YEATS4: variants seen among roughly 807,000 people sequenced by gnomAD.
The protein encoded by YEATS4 is YEATS domain-containing protein 4.
In YEATS4, 17 loss-of-function variants were observed where a neutral mutation model predicts 30.1. The observed-to-expected ratio is 0.56, with a 90% confidence interval of 0.39 to 0.85. The LOEUF (loss-of-function observed/expected upper bound fraction) is 0.85. YEATS4 is among the 40% of genes least tolerant of loss of function. YEATS4 has a pLI of 0.00. For synonymous variants in YEATS4, 85 were observed against 87.5 expected (o/e 0.97, Z 0.16); for missense variants, 142 against 268.3 (o/e 0.53, Z 3.29).
At chr12:69,382,397 C>T (rs1195464705) in intron 6 of YEATS4, among the ~76,000 whole-genome samples, 1 of 152,160 alleles carries the variant, frequency 6.6e-6, no homozygotes, top group Non-Finnish European at 1.5e-5. Context: ...GCTGAGCTGG[C>T]ACCCAAGCTA....
chr12:69,363,183 C>T (rs985495346), intron 2 of YEATS4, among the ~76,000 whole-genome samples: 4 of 151,516 alleles, frequency 2.6e-5, no homozygotes, highest in Non-Finnish European at 2.9e-5. Context: ...TTGGTAGAGA[C>T]GGGGTTTCAC....
rs1875107098 is a variant in YEATS4 at position 69,359,829 on chromosome 12, C to T, written c.-144C>T. 5.3e-6 allele frequency: 5 copies of T among 940,638 alleles called. No individual in the cohort carries two copies. The highest frequency in any genetic ancestry group is 5.1e-5 in the African/African-American group (3 of 59,010). The allele number at this position is 940,638 out of a possible 1,614,324, so 58.3% of individuals were successfully genotyped here. On this transcript the variant is annotated 5_prime_UTR_variant, in exon 1 of 7. Coordinates refer to ENST00000247843, the MANE Select transcript of YEATS4 (RefSeq NM_006530.4). Reference sequence around the variant, plus strand: ...TGAGGAGTTGACGGTTACTCACCGCCGTGAGCCCAAGTAACTCGCCCTCCT... The same window carrying T: ...TGAGGAGTTGACGGTTACTCACCGCTGTGAGCCCAAGTAACTCGCCCTCCT...
chr12:69,423,542 G>A, the YEATS4 span, among the ~76,000 whole-genome samples: 2 of 152,202 alleles, frequency 1.3e-5, no homozygotes, highest in African/African-American at 4.8e-5. Flanking sequence ...CAAGCATGGG[G>A]CATTCCGGGA....
At chr12:69,397,076 C>A in the YEATS4 span, among the ~76,000 whole-genome samples, 1 of 152,090 alleles carries the variant, frequency 6.6e-6, no homozygotes, top group Admixed American at 6.6e-5. Context: ...TGGCCATCTG[C>A]TAAAATCCTT....
At chr12:69,376,229 G>A (rs906318778) in intron 6 of YEATS4, among the ~76,000 whole-genome samples, 6 of 152,182 alleles carry the variant, frequency 3.9e-5, no homozygotes, top group African/African-American at 7.2e-5. Flanking sequence ...AACCGAGCAT[G>A]GTGGCATGTG....
At chr12:69,381,643 A>G (rs1489070707) in intron 6 of YEATS4, among the ~76,000 whole-genome samples, 1 of 152,246 alleles carries the variant, frequency 6.6e-6, no homozygotes, top group East Asian at 1.9e-4. Context: ...ATTGTAGTAA[A>G]GACAGGCGTA....
chr12:69,364,002 A>C (rs1412102071), intron 2 of YEATS4, among the ~76,000 whole-genome samples: 1 of 152,252 alleles, frequency 6.6e-6, no homozygotes, highest in Non-Finnish European at 1.5e-5. Flanking sequence ...TGAAATGTCC[A>C]GAAGGGGCAA....
intron 4 of YEATS4, among the ~76,000 whole-genome samples, chr12:69,369,778 C>T (rs1407245039): frequency 6.6e-6 from 1 of 152,172 alleles, no homozygotes; most frequent in Non-Finnish European, 1.5e-5. Context: ...CATTTCCCTC[C>T]TCCCCTTTCT....
chr12:69,385,306 A>G (rs1876231737), intron 6 of YEATS4, among the ~76,000 whole-genome samples: 2 of 148,486 alleles, frequency 1.3e-5, no homozygotes, highest in African/African-American at 5.0e-5. Context: ...TAAACTTTGC[A>G]CTCTCATGAA....
chr12:69,403,526 A>C, the YEATS4 span, among the ~76,000 whole-genome samples: 1 of 151,740 alleles, frequency 6.6e-6, no homozygotes, highest in Non-Finnish European at 1.5e-5. Context: ...GCAGTGAGCC[A>C]AAATCGTGCC....
intron 6 of YEATS4, among the ~76,000 whole-genome samples, chr12:69,377,947 G>A (rs315124): frequency 0.46 from 70,031 of 151,948 alleles, 16,179 homozygotes; most frequent in Non-Finnish European, 0.5. Flanking sequence ...TTGGATGTTG[G>A]CGATGCCAGG....
downstream of YEATS4, among the ~76,000 whole-genome samples, chr12:69,392,449 C>G (rs931930752): frequency 3.3e-5 from 5 of 152,196 alleles, no homozygotes; most frequent in African/African-American, 9.6e-5. Flanking sequence ...TAGCATCATG[C>G]ATGACTGCCA....
chr12:69,418,620 T>C, the YEATS4 span, among the ~76,000 whole-genome samples: 3 of 152,184 alleles, frequency 2.0e-5, no homozygotes, highest in East Asian at 3.8e-4. Context: ...ATTAGAGTAA[T>C]TGAAGTTGGT....
the YEATS4 span, among the ~76,000 whole-genome samples, chr12:69,426,704 G>C: frequency 1.3e-5 from 2 of 152,226 alleles, no homozygotes; most frequent in African/African-American, 4.8e-5. Context: ...AACCAGGGAT[G>C]CCAAAACAGC....
At chr12:69,407,217 T>A in the YEATS4 span, among the ~76,000 whole-genome samples, 350 of 150,434 alleles carry the variant, frequency 2.3e-3, no homozygotes, top group African/African-American at 8.2e-3. Context: ...AGGCCATGAA[T>A]AGCTAGGAAT....
At chr12:69,397,513 G>T in the YEATS4 span, among the ~76,000 whole-genome samples, 1 of 152,092 alleles carries the variant, frequency 6.6e-6, no homozygotes, top group Non-Finnish European at 1.5e-5. Flanking sequence ...AGATCTGATG[G>T]TTTTATAAAG....
At chr12:69,390,093 T>C in intron 6 of YEATS4, 54 bp from the exon 7 acceptor site, 1 of 1,414,610 alleles carries the variant, frequency 7.1e-7, no homozygotes, top group East Asian at 2.4e-5. Context: ...TACCCTGTCA[T>C]ATATCTTAAA....
intron 6 of YEATS4, among the ~76,000 whole-genome samples, chr12:69,384,557 T>A (rs1876201002): frequency 1.3e-5 from 2 of 152,216 alleles, no homozygotes; most frequent in Non-Finnish European, 2.9e-5. Context: ...AACTTAATTT[T>A]GATCATCACT....
downstream of YEATS4, among the ~76,000 whole-genome samples, chr12:69,395,847 G>C (rs1483294111): frequency 6.6e-6 from 1 of 152,126 alleles, no homozygotes; most frequent in Middle Eastern, 3.2e-3. Flanking sequence ...GCATTGTCCG[G>C]TGAACTCGGA....
Sources: gnomAD v4.1 joint callset for allele counts (sites outside exome capture counted in the v4.1 genomes callset) on GRCh38, gnomAD v4.1.1 for gene constraint, MANE v1.5 for transcripts, NCBI Gene and HGNC (gene_info 2026-07-23, HGNC 2026-07-21) for gene names.